BMP7: variants seen among roughly 807,000 people sequenced by gnomAD.
BMP7 encodes bone morphogenetic protein 7, also known as osteogenic protein 1.
BMP7 carries 12 observed loss-of-function variants against 41.2 expected under a neutral mutation model. That is an observed-to-expected ratio of 0.29 (90% CI 0.19 to 0.47). The LOEUF (loss-of-function observed/expected upper bound fraction) is 0.47. BMP7 is among the 20% of genes least tolerant of loss of function. The pLI is 0.99. For synonymous variants in BMP7, 248 were observed against 250.0 expected, an observed-to-expected ratio of 0.99 and a Z score of 0.07; for missense variants, 467 against 606.0, an observed-to-expected ratio of 0.77 and a Z score of 2.41.
At chr20:57,185,262 T>C (rs151321842) in intron 3 of BMP7, among the ~76,000 whole-genome samples, 85 of 152,314 alleles carry the variant, frequency 5.6e-4, no homozygotes, top group African/African-American at 1.8e-3. Flanking sequence ...TGTGAAATGA[T>C]TATAGATTCA....
intron 2 of BMP7, among the ~76,000 whole-genome samples, chr20:57,210,707 A>G (rs1388800114): frequency 6.6e-6 from 1 of 152,214 alleles, no homozygotes; most frequent in Non-Finnish European, 1.5e-5. Context: ...ATGGCCACAC[A>G]GTGCACACTG....
chr20:57,265,806 G>A lies in BMP7; in HGVS notation c.317C>T (p.Pro106Leu). The change falls in exon 1 of 7, where the codon CCC becomes CTC. Residue 106 changes from proline to leucine, a missense_variant. Transcript: ENST00000395863. ...CTGGGTACTGAAGACGGCCTTGTAG[G>A]GGTAGGAGAAGCCCTGGCCGCCGGG... is the stretch of plus-strand genomic sequence containing the variant. ...GGPGGQGFSY[P>L]YKAVFSTQGP... 5 of 1,609,034 alleles carry A rather than the reference G, an allele frequency of 3.1e-6. No individual in the cohort carries two copies. Among genetic ancestry groups the A allele is most frequent in the Non-Finnish European group, 4.2e-6 (5 of 1,178,118 alleles).
rs139461828 is a variant in BMP7, at chr20:57,257,865, G to A, written c.418+7840C>T. On this transcript the variant is annotated intron_variant, in intron 1 of 6. Coordinates refer to ENST00000395863, the MANE Select transcript of BMP7 (RefSeq NM_001719.3). ...AAAAAACTTGCCTGCCTTTGTGTGT[G>A]TAAGTTGCCAGGGGGATGAGCACTT... Among the ~76,000 whole-genome samples the A allele has an allele frequency of 1.2e-4, 18 of 149,090 alleles. 1 individual carries two copies. In the East Asian group the frequency reaches 3.5e-3, roughly 29 times the overall value.
At chr20:57,198,175 C>G (rs1259215230) in intron 3 of BMP7, among the ~76,000 whole-genome samples, 1 of 147,512 alleles carries the variant, frequency 6.8e-6, no homozygotes, top group African/African-American at 2.5e-5. Flanking sequence ...CCTCTCCTCT[C>G]GCTCTCCTCT....
At chr20:57,229,615 C>T (rs562924941) in intron 1 of BMP7, among the ~76,000 whole-genome samples, 1 of 152,274 alleles carries the variant, frequency 6.6e-6, no homozygotes, top group Non-Finnish European at 1.5e-5. Context: ...GTGAGAAGAA[C>T]CTCCAGACAC....
rs537942938 is a variant in BMP7 at position 57,171,639 on chromosome 20, C to T, written c.1147-531G>A. Among the ~76,000 whole-genome samples the T allele has an allele frequency of 3.2e-4, 49 of 152,304 alleles. No homozygotes were observed. The highest frequency in any genetic ancestry group is 1.1e-3 in the African/African-American group (44 of 41,564). On this transcript the variant is annotated intron_variant, in intron 6 of 6. Coordinates refer to ENST00000395863, the MANE Select transcript of BMP7 (RefSeq NM_001719.3). This position sits in a 1 kb window ranked among gnomAD's most constrained non-coding sequence, Gnocchi z 4.5. ...GAGGCCGCCACTCAACCTAAGCTGA[C>T]GGCAGCCAACCAAGATCAGTGTTAG...
intron 2 of BMP7, among the ~76,000 whole-genome samples, chr20:57,208,809 AG>A (rs1294877602): frequency 6.6e-6 from 1 of 152,386 alleles, no homozygotes; most frequent in East Asian, 1.9e-4. Flanking sequence ...CATTATGCTA[AG>A]AAAAAGCAGT....
At chr20:57,173,129 G>T (rs1194747526) in intron 6 of BMP7, 71 bp downstream of exon 6, 1 of 1,473,882 alleles carries the variant, frequency 6.8e-7, no homozygotes, top group Non-Finnish European at 9.4e-7. Flanking sequence ...CAGCTTGGAG[G>T]CAGCAGGATC....
At chr20:57,178,703 G>A (rs568180683) in intron 4 of BMP7, among the ~76,000 whole-genome samples, 41 of 152,138 alleles carry the variant, frequency 2.7e-4, no homozygotes, top group Non-Finnish European at 5.3e-4. Context: ...CTTCCCTGTG[G>A]GGGGGTAGAA....
Position 57,215,436 on chromosome 20 carries a change from TG to T in BMP7, c.611+12792del, listed in dbSNP as rs1984989693. 1 of 152,256 alleles carries T rather than the reference TG, an allele frequency of 6.6e-6. No homozygotes were observed. 9.4% of individuals were successfully genotyped at this position (152,256 alleles called of 1,614,324 possible). A position where few individuals can be genotyped will look rare whatever the true frequency, so the allele number is the denominator to read the frequency against. On this transcript the variant is annotated intron_variant, in intron 2 of 6. Coordinates refer to ENST00000395863, the MANE Select transcript of BMP7 (RefSeq NM_001719.3). This position sits in a 1 kb window ranked among gnomAD's most constrained non-coding sequence, Gnocchi z 4.2. ...TTTGGACCTGACTCTTGTCCCTCTT[TG>T]CTTAAGATATCAGGGTTTGAGCCCC...
At chr20:57,176,232 G>A (rs2123059183) in intron 4 of BMP7, among the ~76,000 whole-genome samples, 1 of 152,338 alleles carries the variant, frequency 6.6e-6, no homozygotes, top group South Asian at 2.1e-4. Context: ...TACAGCTGTG[G>A]CCTTGAGAGG....
At chr20:57,249,524 G>T (rs1446824543) in intron 1 of BMP7, among the ~76,000 whole-genome samples, 1 of 152,050 alleles carries the variant, frequency 6.6e-6, no homozygotes, top group African/African-American at 2.4e-5. Context: ...CCTGATGCAG[G>T]GGTGACTGCA....
At chr20:57,241,399 C>T (rs1261953493) in intron 1 of BMP7, among the ~76,000 whole-genome samples, 1 of 152,212 alleles carries the variant, frequency 6.6e-6, no homozygotes, top group Admixed American at 6.5e-5. Flanking sequence ...GGGAGGGAGG[C>T]TGACAGCCTG....
At chr20:57,178,571 G>A (rs1224164195) in intron 4 of BMP7, among the ~76,000 whole-genome samples, 2 of 152,098 alleles carry the variant, frequency 1.3e-5, no homozygotes, top group African/African-American at 4.8e-5. Context: ...AGCCCAAACA[G>A]CTGGACTCTA....
intron 2 of BMP7, among the ~76,000 whole-genome samples, chr20:57,207,360 C>G (rs1984756228): frequency 6.6e-6 from 1 of 152,204 alleles, no homozygotes; most frequent in African/African-American, 2.4e-5. Flanking sequence ...CCTAGTCAAG[C>G]TCCTAGCTCC....
intron 1 of BMP7, among the ~76,000 whole-genome samples, chr20:57,230,056 T>A (rs2066023126): frequency 6.6e-6 from 1 of 152,144 alleles, no homozygotes; most frequent in South Asian, 2.1e-4. Flanking sequence ...TGGAGAGACC[T>A]CGGGAAGATG....
chr20:57,170,443 C>T lies in BMP7; in HGVS notation c.*516G>A, dbSNP rs545529560. On this transcript the variant is annotated 3_prime_UTR_variant, in exon 7 of 7. Transcript: ENST00000395863. ...CTTCTGTTTACGCATCAGGATAAACCGAGAAATGGGGATAAATTGTTTAGG... is the reference window on the plus strand; with the variant it reads ...CTTCTGTTTACGCATCAGGATAAACTGAGAAATGGGGATAAATTGTTTAGG... 2.6e-5 allele frequency: 6 copies of T among 229,096 alleles called. No homozygotes were observed. The highest frequency in any genetic ancestry group is 2.2e-4 in the East Asian group (2 of 9,066). The allele number at this position is 229,096 out of a possible 1,614,324, so 14.2% of individuals were successfully genotyped here.
intron 3 of BMP7, among the ~76,000 whole-genome samples, chr20:57,191,752 A>T (rs1373480422): frequency 7.0e-6 from 1 of 143,306 alleles, no homozygotes; most frequent in Non-Finnish European, 1.5e-5. Flanking sequence ...TATAATATAT[A>T]CTATAATATA....
intron 1 of BMP7, among the ~76,000 whole-genome samples, chr20:57,241,184 C>T (rs1305436372): frequency 6.6e-6 from 1 of 152,198 alleles, no homozygotes; most frequent in African/African-American, 2.4e-5. Context: ...CAACTCTCTT[C>T]CTCACATGGG....
Sources: allele counts gnomAD v4.1 joint callset (sites outside exome capture counted in the v4.1 genomes callset), GRCh38; gene constraint gnomAD v4.1.1; non-coding constraint Gnocchi (gnomAD v3.1); transcripts MANE v1.5; gene names NCBI Gene and HGNC (gene_info 2026-07-23, HGNC 2026-07-21).